DACH2: variants seen among roughly 807,000 people sequenced by gnomAD.
DACH2 encodes the protein dachshund homolog 2.
Under a neutral mutation model 35.8 loss-of-function variants are expected in DACH2, and 17 were observed. That is an observed-to-expected ratio of 0.48 (90% confidence interval 0.33 to 0.71). The LOEUF is 0.71. DACH2 is among the 30% of genes least tolerant of loss of function. The pLI is 0.02. For missense variants in DACH2, 469 were observed against 472.7 expected, an observed-to-expected ratio of 0.99 and a Z score of 0.07; for synonymous variants, 195 against 177.3, an observed-to-expected ratio of 1.10 and a Z score of -0.79.
intron 1 of DACH2, among the ~76,000 whole-genome samples, chrX:86,265,437 G>T (rs2033694896): frequency 9.0e-6 from 1 of 111,699 alleles, no homozygotes; most frequent in African/African-American, 3.2e-5. Context: ...TTAAAAAACA[G>T]AAAACATTAT....
chrX:86,614,115 T>C (rs1266003566), intron 3 of DACH2, among the ~76,000 whole-genome samples: 2 of 111,859 alleles, frequency 1.8e-5, no homozygotes, highest in Non-Finnish European at 3.8e-5. Context: ...AGATACCTGA[T>C]CTACTGAAGA....
At chrX:86,691,565 T>C (rs1375369040) in intron 4 of DACH2, among the ~76,000 whole-genome samples, 1 of 111,438 alleles carries the variant, frequency 9.0e-6, no homozygotes. Context: ...CCAGTCTGCT[T>C]GGAGTTCTTA....
chrX:86,422,820 A>G (rs1451497370), intron 2 of DACH2, among the ~76,000 whole-genome samples: 3 of 110,870 alleles, frequency 2.7e-5, no homozygotes, highest in Admixed American at 9.6e-5. Flanking sequence ...AAAGTCCACC[A>G]CTATCTTTTC....
At chrX:86,151,382 T>C (rs2030361680) in intron 1 of DACH2, among the ~76,000 whole-genome samples, 1 of 111,761 alleles carries the variant, frequency 8.9e-6, no homozygotes, top group Admixed American at 9.5e-5. Flanking sequence ...GCATTTTCTT[T>C]TCTTTACGGG....
intron 6 of DACH2, among the ~76,000 whole-genome samples, chrX:86,731,060 A>G (rs2041527735): frequency 9.0e-6 from 1 of 111,667 alleles, no homozygotes; most frequent in Non-Finnish European, 1.9e-5. Context: ...CATGAACTTA[A>G]TATTTGCTTA....
At chrX:86,704,790 C>T (rs1404695430) in intron 5 of DACH2, among the ~76,000 whole-genome samples, 1 of 110,904 alleles carries the variant, frequency 9.0e-6, no homozygotes, top group Non-Finnish European at 1.9e-5. Flanking sequence ...CACTTCTACA[C>T]TGCTGGTGGG....
intron 1 of DACH2, among the ~76,000 whole-genome samples, chrX:86,376,399 G>A (rs1216579771): frequency 9.1e-6 from 1 of 110,130 alleles, no homozygotes; most frequent in Non-Finnish European, 1.9e-5. Flanking sequence ...TACCTAATGG[G>A]ATGGGAAGGA....
intron 1 of DACH2, among the ~76,000 whole-genome samples, chrX:86,188,260 A>C (rs1415648641): frequency 1.8e-5 from 2 of 111,954 alleles, no homozygotes; most frequent in Non-Finnish European, 3.8e-5. Flanking sequence ...TTAAAAACTA[A>C]GGGAAGATAG....
chrX:86,757,377 T>G (rs5923632), intron 7 of DACH2, among the ~76,000 whole-genome samples: 33,681 of 110,810 alleles, frequency 0.3, 4,017 homozygotes, highest in Middle Eastern at 0.4. Context: ...AGGCTAATGC[T>G]GGCTTTGTAG....
chrX:86,320,809 T>G (rs1026474096), intron 1 of DACH2, among the ~76,000 whole-genome samples: 2 of 112,204 alleles, frequency 1.8e-5, no homozygotes, highest in Admixed American at 1.9e-4. Context: ...GACTGAATGC[T>G]TTCCCAACAG....
chrX:86,420,012 G>A (rs890134168), intron 2 of DACH2, among the ~76,000 whole-genome samples: 2 of 111,962 alleles, frequency 1.8e-5, no homozygotes, highest in African/African-American at 3.2e-5. Context: ...ACGTTGAAGC[G>A]TTATTGTGAA....
intron 1 of DACH2, among the ~76,000 whole-genome samples, chrX:86,241,661 G>A (rs1432380398): frequency 8.9e-6 from 1 of 112,342 alleles, no homozygotes; most frequent in Non-Finnish European, 1.9e-5. Context: ...CAAGGCAATG[G>A]GAACATTCTC....
At chrX:86,694,649 G>A (rs766465083) in intron 4 of DACH2, among the ~76,000 whole-genome samples, 1 of 111,987 alleles carries the variant, frequency 8.9e-6, no homozygotes, top group Admixed American at 9.5e-5. Flanking sequence ...TTCTTTTTCA[G>A]TGATCAGTAC....
At chrX:86,201,655 A>G (rs1169599190) in intron 1 of DACH2, among the ~76,000 whole-genome samples, 2 of 111,518 alleles carry the variant, frequency 1.8e-5, no homozygotes, top group African/African-American at 6.5e-5. Flanking sequence ...GAAAAAATAT[A>G]GACCAGTAAG....
chrX:86,284,483 G>A (rs1222515613), intron 1 of DACH2, among the ~76,000 whole-genome samples: 2 of 110,563 alleles, frequency 1.8e-5, no homozygotes, highest in Admixed American at 1.9e-4. Context: ...GTTGAATTTT[G>A]TTTGCTAGTA....
intron 3 of DACH2, among the ~76,000 whole-genome samples, chrX:86,648,795 A>T (rs1157812089): frequency 9.0e-6 from 1 of 111,057 alleles, no homozygotes; most frequent in Non-Finnish European, 1.9e-5. Context: ...AATAAAATAA[A>T]AAATCAAATA....
At chrX:86,725,640 T>C (rs941709584) in intron 6 of DACH2, among the ~76,000 whole-genome samples, 46 of 111,178 alleles carry the variant, frequency 4.1e-4, no homozygotes, top group African/African-American at 1.4e-3. Flanking sequence ...GGCCTCCAGG[T>C]AGCTTGTTCG....
intron 1 of DACH2, among the ~76,000 whole-genome samples, chrX:86,214,058 C>T (rs1232731301): frequency 5.4e-5 from 6 of 110,342 alleles, no homozygotes; most frequent in East Asian, 5.7e-4. Context: ...CATTTTTTTC[C>T]GAATTTTCCT....
intron 6 of DACH2, among the ~76,000 whole-genome samples, chrX:86,730,605 C>T (rs1454232684): frequency 9.0e-6 from 1 of 111,587 alleles, no homozygotes; most frequent in African/African-American, 3.2e-5. Flanking sequence ...TTCATTGAAT[C>T]ACTATTGTGT....
Sources: gnomAD v4.1 joint callset for allele counts (sites outside exome capture counted in the v4.1 genomes callset) on GRCh38, gnomAD v4.1.1 for gene constraint, MANE v1.5 for transcripts, NCBI Gene and HGNC (gene_info 2026-07-23, HGNC 2026-07-21) for gene names.